DPYD: variants seen among roughly 807,000 people sequenced by gnomAD.
DPYD encodes the protein dihydropyrimidine dehydrogenase.
Under a neutral mutation model 116.2 loss-of-function variants are expected in DPYD, and 109 were observed. The ratio of observed to expected loss-of-function variants is 0.94; its 90% confidence interval spans 0.80 to 1.10. The LOEUF (loss-of-function observed/expected upper bound fraction) is 1.10. Among genes scored for constraint, DPYD ranks in the 50% least tolerant of loss-of-function variants. DPYD has a pLI of 0.00. For missense variants in DPYD, 1,302 were observed against 1,254.5 expected, an observed-to-expected ratio of 1.04 and a Z score of -0.57; for synonymous variants, 440 against 432.0, an observed-to-expected ratio of 1.02 and a Z score of -0.23.
intron 14 of DPYD, among the ~76,000 whole-genome samples, chr1:97,383,534 A>C (rs1184442495): frequency 1.3e-5 from 2 of 152,132 alleles, no homozygotes; most frequent in East Asian, 3.9e-4. Context: ...GAAATTGCTA[A>C]GACTTACATA....
intron 16 of DPYD, among the ~76,000 whole-genome samples, chr1:97,325,755 T>A (rs1257828995): frequency 1.3e-5 from 2 of 151,910 alleles, no homozygotes; most frequent in Non-Finnish European, 2.9e-5. Flanking sequence ...AATCACTGGC[T>A]GGAGTAGAGC....
intron 16 of DPYD, among the ~76,000 whole-genome samples, chr1:97,345,819 G>A (rs1191437612): frequency 6.6e-6 from 1 of 151,832 alleles, no homozygotes; most frequent in Non-Finnish European, 1.5e-5. Flanking sequence ...TCTGAAATAT[G>A]TGCTCTTAAT....
At chr1:97,248,865 A>G (rs530803991) in intron 18 of DPYD, among the ~76,000 whole-genome samples, 143 of 152,306 alleles carry the variant, frequency 9.4e-4, no homozygotes, top group Non-Finnish European at 6.8e-4. Context: ...AGCACCAAAA[A>G]GCAACAATAG....
intron 16 of DPYD, among the ~76,000 whole-genome samples, chr1:97,319,438 A>C (rs1041638647): frequency 8.7e-5 from 11 of 126,574 alleles, no homozygotes; most frequent in South Asian, 3.0e-4. Context: ...CTACCATCAG[A>C]GAATACTACA....
chr1:97,653,430 G>A (rs567927390), intron 8 of DPYD, among the ~76,000 whole-genome samples: 8 of 151,366 alleles, frequency 5.3e-5, no homozygotes, highest in East Asian at 3.9e-4. Context: ...TCAGCCTCCC[G>A]AGTAGCTGGG....
In DPYD at chr1:97,533,958, C is replaced by T. The variant is rs563581126; in HGVS notation, c.1524+15602G>A. Among the ~76,000 whole-genome samples the T allele has an allele frequency of 7.9e-5, 12 of 152,270 alleles. No individual in the cohort carries two copies. In the South Asian group the frequency reaches 2.3e-3, roughly 29 times the overall value. On this transcript the variant is annotated intron_variant, in intron 12 of 22. Transcript: ENST00000370192. ...CTGTTCCCATGGTAACTCTACCCCA[C>T]CATCAAACACCAGATCTTTTAGTAG...
chr1:97,914,693 A>G (rs1035302670), intron 1 of DPYD, among the ~76,000 whole-genome samples: 10 of 152,162 alleles, frequency 6.6e-5, no homozygotes, highest in Non-Finnish European at 1.2e-4. Context: ...TGAAACTTAC[A>G]CCAGTGGGCT....
intron 16 of DPYD, among the ~76,000 whole-genome samples, chr1:97,362,662 A>G (rs1457034880): frequency 6.6e-6 from 1 of 152,174 alleles, no homozygotes; most frequent in Admixed American, 6.5e-5. Context: ...ATCTACAACC[A>G]TCTGATCTTT....
intron 11 of DPYD, among the ~76,000 whole-genome samples, chr1:97,572,604 A>G (rs1481861278): frequency 6.6e-6 from 1 of 151,996 alleles, no homozygotes; most frequent in Non-Finnish European, 1.5e-5. Context: ...TAATATAAGC[A>G]CTTTATATAT....
chr1:97,894,115 G>A lies in DPYD; in HGVS notation c.40-10741C>T, dbSNP rs138583506. On this transcript the variant is annotated intron_variant, in intron 1 of 22. Transcript: ENST00000370192. The stretch of plus-strand genomic sequence containing the variant: ...AGAGGCTGGAAAGTCTAAGATCAAG[G>A]TGCCTGACAATTTGGTTCCAGGTAA... 6.1e-3 allele frequency among the ~76,000 whole-genome samples: 925 copies of A among 151,854 alleles called. 10 individuals are homozygous for A. Among genetic ancestry groups the A allele is most frequent in the Middle Eastern group, 0.017 (5 of 294 alleles).
intron 7 of DPYD, among the ~76,000 whole-genome samples, chr1:97,688,470 T>C (rs1421952714): frequency 2.0e-5 from 3 of 151,952 alleles, no homozygotes; most frequent in Non-Finnish European, 4.4e-5. Flanking sequence ...AAAAAACTTA[T>C]AGACGATATG....
At chr1:97,134,007 AAAAAAAAATATAT>A (rs1482046149) in intron 20 of DPYD, among the ~76,000 whole-genome samples, 23 of 44,144 alleles carry the variant, frequency 5.2e-4, no homozygotes, top group Middle Eastern at 8.9e-3. Context: ...TCAAAAAAAA[AAAAAAAAATATAT>A]ATATATATAT....
At chr1:97,710,164 T>C (rs1164223330) in intron 5 of DPYD, among the ~76,000 whole-genome samples, 1 of 151,866 alleles carries the variant, frequency 6.6e-6, no homozygotes, top group Non-Finnish European at 1.5e-5. Context: ...AGTTTTTCTT[T>C]TGCTCGTTTC....
intron 16 of DPYD, among the ~76,000 whole-genome samples, chr1:97,364,168 A>G (rs1301287255): frequency 1.3e-5 from 2 of 152,210 alleles, no homozygotes; most frequent in Non-Finnish European, 2.9e-5. Context: ...CAAGCCTGCC[A>G]TGTTGTTTAC....
At chr1:97,432,288 T>C (rs1179470978) in intron 14 of DPYD, among the ~76,000 whole-genome samples, 2 of 152,122 alleles carry the variant, frequency 1.3e-5, no homozygotes, top group Non-Finnish European at 2.9e-5. Context: ...CCCACACCCA[T>C]ACTGCTTTCC....
At chr1:97,823,492 T>C (rs920736377) in intron 3 of DPYD, among the ~76,000 whole-genome samples, 1 of 152,134 alleles carries the variant, frequency 6.6e-6, no homozygotes, top group Non-Finnish European at 1.5e-5. Flanking sequence ...CCATTTCCAC[T>C]CCACACTACT....
At chr1:97,617,565 C>T (rs914991594) in intron 8 of DPYD, among the ~76,000 whole-genome samples, 10 of 152,068 alleles carry the variant, frequency 6.6e-5, no homozygotes, top group Non-Finnish European at 1.2e-4. Context: ...AGAGTAAGTT[C>T]AGGGTGAGGA....
chr1:97,252,779 G>A (rs562626725), intron 18 of DPYD, among the ~76,000 whole-genome samples: 2 of 152,006 alleles, frequency 1.3e-5, no homozygotes, highest in East Asian at 1.9e-4. Flanking sequence ...GTGTAAATAG[G>A]GCCAATGGTC....
At chr1:97,897,546 AG>A (rs1452535183) in intron 1 of DPYD, among the ~76,000 whole-genome samples, 1 of 151,772 alleles carries the variant, frequency 6.6e-6, no homozygotes, top group Non-Finnish European at 1.5e-5. Context: ...GCTCACTGAT[AG>A]TCTTTTCATT....
Sources: gnomAD v4.1 joint callset for allele counts (sites outside exome capture counted in the v4.1 genomes callset) on GRCh38, gnomAD v4.1.1 for gene constraint, MANE v1.5 for transcripts, NCBI Gene and HGNC (gene_info 2026-07-23, HGNC 2026-07-21) for gene names.